Variants in APBA1 observed in about 807,000 individuals in gnomAD.
APBA1 encodes the protein amyloid beta precursor protein binding family A member 1.
APBA1 carries 55 observed loss-of-function variants against 86.6 expected under a neutral mutation model. The ratio of observed to expected loss-of-function variants is 0.64; its 90% CI spans 0.51 to 0.80. The LOEUF is 0.80. Ranked by LOEUF, APBA1 falls within the 30% of genes least tolerant of loss-of-function variation. APBA1 has a pLI of 0.00. For missense variants in APBA1, 1,090 were observed against 1,183.0 expected (o/e 0.92, Z 1.15); for synonymous variants, 511 against 493.9 (o/e 1.03, Z -0.46).
intron 1 of APBA1, among the ~76,000 whole-genome samples, chr9:69,649,532 TG>T (rs1381780523): frequency 6.6e-6 from 1 of 152,058 alleles, no homozygotes; most frequent in Non-Finnish European, 1.5e-5. Flanking sequence ...CACTTATCGG[TG>T]GGTGATGACA....
intron 1 of APBA1, among the ~76,000 whole-genome samples, chr9:69,661,630 T>C (rs1823753976): frequency 6.6e-6 from 1 of 152,068 alleles, no homozygotes; most frequent in Non-Finnish European, 1.5e-5. Flanking sequence ...CATGTTGACA[T>C]TTAATCCCCA....
chr9:69,517,218 G>A lies in APBA1; in HGVS notation c.-8C>T. 1.4e-6 allele frequency: 2 copies of A among 1,471,882 alleles called. No homozygotes were observed. Among genetic ancestry groups the A allele is most frequent in the Non-Finnish European group, 1.8e-6 (2 of 1,110,980 alleles). 91.2% of individuals were successfully genotyped at this position (1,471,882 alleles called of 1,614,324 possible). On this transcript the variant is annotated 5_prime_UTR_variant, in exon 2 of 13. Coordinates refer to ENST00000265381, the MANE Select transcript of APBA1 (RefSeq NM_001163.4). Reference sequence around the variant, plus strand: ...CCCCTCCAAGTGGTTCATGGTGGGAGTCGGAACGGCTAGGAGAGAAGCTGG... The same window carrying A: ...CCCCTCCAAGTGGTTCATGGTGGGAATCGGAACGGCTAGGAGAGAAGCTGG...
chr9:69,639,715 G>A (rs1823248995), intron 1 of APBA1, among the ~76,000 whole-genome samples: 1 of 152,230 alleles, frequency 6.6e-6, no homozygotes, highest in East Asian at 1.9e-4. Context: ...TAAAAAGAAA[G>A]AATCAAACAT....
intron 9 of APBA1, among the ~76,000 whole-genome samples, chr9:69,451,015 T>C (rs1391874261): frequency 6.6e-6 from 1 of 152,134 alleles, no homozygotes; most frequent in African/African-American, 2.4e-5. Context: ...TGTGAGACAA[T>C]AGGTTTGTGT....
At chr9:69,539,422 A>G (rs1836563159) in intron 1 of APBA1, among the ~76,000 whole-genome samples, 1 of 151,938 alleles carries the variant, frequency 6.6e-6, no homozygotes, top group Admixed American at 6.6e-5. Flanking sequence ...TTTTTTTCAT[A>G]CCCTATATCA....
intron 1 of APBA1, among the ~76,000 whole-genome samples, chr9:69,585,520 C>A (rs1822000023): frequency 6.6e-6 from 1 of 152,206 alleles, no homozygotes; most frequent in South Asian, 2.1e-4. Flanking sequence ...CTTTGAGTCC[C>A]AGCTTCTGCA....
intron 1 of APBA1, among the ~76,000 whole-genome samples, chr9:69,523,463 GTATATATATATATGTATATA>G (rs201743513): frequency 0.11 from 12,120 of 108,316 alleles, 835 homozygotes; most frequent in African/African-American, 0.14. Flanking sequence ...TCATGTATGT[GTATATATATATATGTATATA>G]TATATATATA....
chr9:69,506,513 G>A (rs895406293), intron 2 of APBA1, among the ~76,000 whole-genome samples: 2 of 60,032 alleles, frequency 3.3e-5, no homozygotes, highest in African/African-American at 1.5e-4. Context: ...CATTGCCCGG[G>A]CTTGCTTAGG....
intron 2 of APBA1, among the ~76,000 whole-genome samples, chr9:69,476,954 A>T (rs1043693000): frequency 2.0e-5 from 3 of 152,220 alleles, no homozygotes; most frequent in African/African-American, 4.8e-5. Context: ...ATGGATGGGC[A>T]AATAAAACAA....
At chr9:69,467,728 C>T in intron 5 of APBA1, 95 bp downstream of exon 5, 1 of 1,516,474 alleles carries the variant, frequency 6.6e-7, no homozygotes, top group Non-Finnish European at 9.0e-7. Context: ...AACCACTCTC[C>T]TCTAAACTAT....
At chr9:69,472,520 C>T (rs1331061073) in intron 3 of APBA1, 1 of 152,152 alleles carries the variant, frequency 6.6e-6, no homozygotes, top group Non-Finnish European at 1.5e-5. Context: ...TGTGTCTGGA[C>T]CAGGGTGATA....
At chr9:69,657,726 C>T (rs1194214264) in intron 1 of APBA1, among the ~76,000 whole-genome samples, 1 of 152,156 alleles carries the variant, frequency 6.6e-6, no homozygotes, top group East Asian at 1.9e-4. Flanking sequence ...TATATTTAAA[C>T]ATTTTACTAC....
chr9:69,530,474 C>T (rs1249167250), intron 1 of APBA1, among the ~76,000 whole-genome samples: 1 of 151,940 alleles, frequency 6.6e-6, no homozygotes, highest in African/African-American at 2.4e-5. Context: ...AACAGAAAAC[C>T]AAACTCCTCA....
intron 12 of APBA1, 65 bp from the exon 13 acceptor site, chr9:69,431,463 C>G (rs895238148): frequency 2.8e-6 from 4 of 1,424,734 alleles, no homozygotes; most frequent in Admixed American, 1.9e-5. Flanking sequence ...GGGCACTGCC[C>G]AGGGCTGGCC....
intron 1 of APBA1, among the ~76,000 whole-genome samples, chr9:69,636,667 G>A (rs1479587953): frequency 6.6e-6 from 1 of 151,480 alleles, no homozygotes; most frequent in Non-Finnish European, 1.5e-5. Context: ...GGTGGCATGT[G>A]TCTGTAGTCC....
intron 10 of APBA1, among the ~76,000 whole-genome samples, chr9:69,443,410 T>A (rs945775285): frequency 6.6e-6 from 1 of 152,202 alleles, no homozygotes; most frequent in Non-Finnish European, 1.5e-5. Flanking sequence ...GCCAGTGTGC[T>A]CAGTGAGAGC....
intron 8 of APBA1, among the ~76,000 whole-genome samples, chr9:69,453,101 T>C (rs1564034797): frequency 6.6e-6 from 1 of 152,242 alleles, no homozygotes; most frequent in Non-Finnish European, 1.5e-5. Flanking sequence ...CATTTATTAA[T>C]ACATATTGTA....
At chr9:69,488,640 A>T (rs1458680381) in intron 2 of APBA1, among the ~76,000 whole-genome samples, 1 of 152,154 alleles carries the variant, frequency 6.6e-6, no homozygotes, top group Non-Finnish European at 1.5e-5. Context: ...GATGGCTGCC[A>T]AGACGGGCAA....
At chr9:69,528,742 T>TCA (rs533282382) in intron 1 of APBA1, among the ~76,000 whole-genome samples, 108 of 151,038 alleles carry the variant, frequency 7.2e-4, no homozygotes, top group South Asian at 6.3e-4. Flanking sequence ...TGTACCATTT[T>TCA]CACACACACA....
Sources: allele counts gnomAD v4.1 joint callset (sites outside exome capture counted in the v4.1 genomes callset), GRCh38; gene constraint gnomAD v4.1.1; transcripts MANE v1.5; gene names NCBI Gene and HGNC (gene_info 2026-07-23, HGNC 2026-07-21).